The following EPHX2 variants were observed in gnomAD, a reference collection of about 807,000 sequenced individuals.
EPHX2 encodes epoxide hydrolase 2.
EPHX2 carries 74 observed loss-of-function variants against 78.7 expected under a neutral mutation model. That is an observed-to-expected ratio of 0.94 (90% CI 0.78 to 1.14). EPHX2 has a LOEUF of 1.14. Ranked by LOEUF, EPHX2 falls within the 50% of genes most tolerant of loss-of-function variation. The pLI is 0.00. For synonymous variants in EPHX2, 251 were observed against 255.2 expected (o/e 0.98, Z 0.16); for missense variants, 715 against 702.5 (o/e 1.02, Z -0.20).
At chr8:27,538,574 T>A in intron 13 of EPHX2, 85 bp from the exon 14 acceptor site, 1 of 1,294,744 alleles carries the variant, frequency 7.7e-7, no homozygotes, top group Non-Finnish European at 1.1e-6. Context: ...CCTTTGTCAT[T>A]TGTCGTAACA....
At chr8:27,507,913 C>T (rs7839733) in intron 5 of EPHX2, among the ~76,000 whole-genome samples, 5 of 151,998 alleles carry the variant, frequency 3.3e-5, no homozygotes, top group South Asian at 2.1e-4. Flanking sequence ...TGAGGATACC[C>T]GTCAGATTGC....
At chr8:27,526,514 GAC>G (rs1814851563) in intron 12 of EPHX2, among the ~76,000 whole-genome samples, 1 of 152,198 alleles carries the variant, frequency 6.6e-6, no homozygotes, top group South Asian at 2.1e-4. Flanking sequence ...TCGATGGTGA[GAC>G]TATGGGTGTG....
At chr8:27,505,748 TC>T (rs1326486695) in intron 4 of EPHX2, among the ~76,000 whole-genome samples, 2 of 152,156 alleles carry the variant, frequency 1.3e-5, no homozygotes, top group Non-Finnish European at 2.9e-5. Context: ...TCCTGGGACC[TC>T]CCCTTTCACC....
intron 15 of EPHX2, among the ~76,000 whole-genome samples, 192 bp downstream of exon 15, chr8:27,540,848 G>C (rs1435370437): frequency 1.3e-5 from 2 of 152,160 alleles, no homozygotes; most frequent in South Asian, 4.1e-4. Context: ...TCTAGTTTGG[G>C]ATAGCTCAGC....
Position 27,543,728 on chromosome 8 carries a change from T to C in EPHX2, c.1450-21T>C, listed in dbSNP as rs781304209. 16 of 1,613,658 alleles carry C rather than the reference T, an allele frequency of 9.9e-6. No individual in the cohort carries two copies. In the East Asian group the frequency reaches 3.1e-4, roughly 31 times the overall value. ...TCCTTTGTGGAGTGCTGGCCACTTC[T>C]GTTTCCTGTTCTCCCCCCAGATCCT... is the stretch of plus-strand genomic sequence containing the variant. On this transcript the variant is annotated intron_variant, in intron 16 of 18. Coordinates refer to ENST00000521400, the MANE Select transcript of EPHX2 (RefSeq NM_001979.6).
At position 27,508,946 on chromosome 8, in the gene EPHX2, C is replaced by CTTTTTTTTTTTTTT. The variant is rs34748947; in HGVS notation, c.660+1966_660+1979dup. On this transcript the variant is annotated intron_variant, in intron 5 of 18. Coordinates refer to ENST00000521400, the MANE Select transcript of EPHX2 (RefSeq NM_001979.6). ...CTGGCCCCTGGCAACCCCCATCCTG[C>CTTTTTTTTTTTTTT]TTTTTTTTTTTTTTTTTTTTTTTTT... 3.0e-4 allele frequency among the ~76,000 whole-genome samples: 19 copies of CTTTTTTTTTTTTTT among 64,394 alleles called. 4 individuals are homozygous for CTTTTTTTTTTTTTT. The highest frequency in any genetic ancestry group is 9.2e-4 in the African/African-American group (12 of 12,984). 42.2% of individuals were successfully genotyped at this position (64,394 alleles called of 152,430 possible). A position where few individuals can be genotyped will look rare whatever the true frequency, so the allele number is the denominator to read the frequency against.
At chr8:27,545,919 C>T (rs1815567575), downstream of EPHX2, among the ~76,000 whole-genome samples, 2 of 152,158 alleles carry the variant, frequency 1.3e-5, no homozygotes, top group South Asian at 4.2e-4. Context: ...TTCCATGCAC[C>T]ACCTCTGATC....
intron 10 of EPHX2, among the ~76,000 whole-genome samples, chr8:27,521,203 AT>A (rs1194202192): frequency 6.6e-6 from 1 of 152,188 alleles, no homozygotes; most frequent in Non-Finnish European, 1.5e-5. Context: ...AGTTTGGAAA[AT>A]ACCCCATAGG....
At chr8:27,501,387 C>CTTCTTCTTTCTTCTTTCTTCT (rs1554519565) in intron 2 of EPHX2, among the ~76,000 whole-genome samples, 3 of 67,542 alleles carry the variant, frequency 4.4e-5, no homozygotes, top group Admixed American at 1.2e-4. Flanking sequence ...TCTTCTTCTT[C>CTTCTTCTTTCTTCTTTCTTCT]TTCTTCTTTC....
At chr8:27,519,961 T>C (rs1563352016) in intron 9 of EPHX2, among the ~76,000 whole-genome samples, 3 of 151,788 alleles carry the variant, frequency 2.0e-5, no homozygotes, top group Non-Finnish European at 4.4e-5. Flanking sequence ...CACGTGCTCG[T>C]CCCTCTGTGC....
chr8:27,505,154 G>C lies in EPHX2; in HGVS notation c.537+8G>C, dbSNP rs775096417. 6.2e-7 allele frequency: 1 copy of C among 1,613,800 alleles called. No homozygotes were observed. The highest frequency in any genetic ancestry group is 8.5e-7 in the Non-Finnish European group (1 of 1,179,888). On this transcript the variant is annotated splice_region_variant and intron_variant, in intron 4 of 18. Transcript: ENST00000521400. ...AAGGCCAGCCCCAGTGAGGTACGGA[G>C]ACACTTCCTTATGGCAGAGAAGGAT...
In EPHX2 at chr8:27,544,450, C is replaced by A. The variant is rs750012955; in HGVS notation, c.1596C>A (p.Thr532=). The change falls in exon 19 of 19, where the codon ACC becomes ACA. Residue 532 remains threonine, a synonymous_variant. Coordinates refer to ENST00000521400, the MANE Select transcript of EPHX2 (RefSeq NM_001979.6). ...ACTTCTCCCTTTCCCCCAGGCCAAC[C>A]GAGGTGAATCAGATCCTCATTAAGT... is the stretch of plus-strand genomic sequence containing the variant. ...CGHWTQMDKP[T]EVNQILIKWL... 31 of 1,613,972 alleles carry A rather than the reference C, an allele frequency of 1.9e-5. No homozygotes were observed. Among genetic ancestry groups the A allele is most frequent in the Non-Finnish European group, 2.5e-5 (29 of 1,180,036 alleles).
At position 27,515,756 on chromosome 8, in the gene EPHX2, C is replaced by T; in HGVS notation, c.774C>T (p.Gly258=). Residue 258 remains glycine (G), a synonymous_variant, in exon 7 of 19, where the codon GGC becomes GGT. Transcript: ENST00000521400. ...VRLHFVELGS[G]PAVCLCHGFP... ...TGCATTTTGTGGAGCTGGGCTCCGGCCCTGCTGTGTGCCTCTGCCATGGAT... is the reference window on the plus strand; with the variant it reads ...TGCATTTTGTGGAGCTGGGCTCCGGTCCTGCTGTGTGCCTCTGCCATGGAT... 2 of 1,614,100 alleles carry T rather than the reference C, an allele frequency of 1.2e-6. No homozygotes were observed. Among genetic ancestry groups the T allele is most frequent in the East Asian group, 2.2e-5 (1 of 44,876 alleles).
At chr8:27,523,935 GTTT>G (rs58934271) in intron 11 of EPHX2, among the ~76,000 whole-genome samples, 10 of 139,876 alleles carry the variant, frequency 7.1e-5, no homozygotes, top group African/African-American at 2.4e-4. Context: ...TTCTATTCCT[GTTT>G]TTTTTTTTTT....
intron 2 of EPHX2, among the ~76,000 whole-genome samples, chr8:27,501,873 A>G (rs753871505): frequency 6.6e-6 from 1 of 152,126 alleles, no homozygotes; most frequent in Admixed American, 6.5e-5. Context: ...ACTAAATTAT[A>G]TCATGCTAAG....
intron 2 of EPHX2, among the ~76,000 whole-genome samples, chr8:27,501,363 CTT>C (rs766209150): frequency 5.5e-5 from 7 of 128,276 alleles, no homozygotes; most frequent in African/African-American, 1.9e-4. Context: ...TCTTCTTCTT[CTT>C]CTTCTTCTTC....
intron 9 of EPHX2, 87 bp from the exon 10 acceptor site, chr8:27,520,796 T>C: frequency 6.5e-7 from 1 of 1,534,386 alleles, no homozygotes; most frequent in Admixed American, 1.7e-5. Context: ...CACAGCAGTT[T>C]TGGGGAGGAC....
chr8:27,538,934 A>T (rs1815301543), intron 14 of EPHX2: 1 of 550,444 alleles, frequency 1.8e-6, no homozygotes, highest in Non-Finnish European at 3.3e-6. Context: ...AGCTTGGAGG[A>T]GTCTTAGAGC....
chr8:27,522,639 A>G, intron 11 of EPHX2, 131 bp downstream of exon 11: 1 of 863,082 alleles, frequency 1.2e-6, no homozygotes, highest in South Asian at 1.6e-5. Context: ...TGATGTCTTC[A>G]CTCTTTAGTG....
Sources: allele counts gnomAD v4.1 joint callset (sites outside exome capture counted in the v4.1 genomes callset), GRCh38; gene constraint gnomAD v4.1.1; transcripts MANE v1.5; gene names NCBI Gene and HGNC (gene_info 2026-07-23, HGNC 2026-07-21).